KANSL1: variants seen among roughly 807,000 people sequenced by gnomAD.
KANSL1 encodes the protein MLL1/MLL complex subunit KANSL1.
KANSL1 carries 22 observed loss-of-function variants against 103.6 expected under a neutral mutation model. That is an observed-to-expected ratio of 0.21 (90% CI 0.15 to 0.30). KANSL1 has a LOEUF of 0.30. Among genes scored for constraint, KANSL1 ranks in the 10% least tolerant of loss-of-function variants. The pLI is 1.00. For synonymous variants in KANSL1, 600 were observed against 527.6 expected (o/e 1.14, Z -1.88); for missense variants, 1,337 against 1,399.8 (o/e 0.96, Z 0.72).
intron 3 of KANSL1, among the ~76,000 whole-genome samples, chr17:46,084,553 G>A (rs1257912694): frequency 6.6e-6 from 1 of 151,622 alleles, no homozygotes; most frequent in African/African-American, 2.4e-5. Flanking sequence ...GTGGTGGTGA[G>A]CCCCTGTAAT....
intron 1 of KANSL1, among the ~76,000 whole-genome samples, chr17:46,214,544 T>C (rs2048280101): frequency 6.6e-6 from 1 of 152,134 alleles, no homozygotes; most frequent in African/African-American, 2.4e-5. Context: ...ATCCCAGCTA[T>C]TTGGGAGGCT....
At position 46,192,807 on chromosome 17, in the gene KANSL1, C is replaced by G. The variant is rs1024625288; in HGVS notation, c.-90+16G>C. The G allele has an allele frequency of 6.3e-6, 1 of 157,676 alleles. No homozygotes were observed. The highest frequency in any genetic ancestry group is 2.0e-4 in the South Asian group (1 of 4,962). 9.8% of individuals were successfully genotyped at this position (157,676 alleles called of 1,614,324 possible). ...GGCAGCAGGAGGAGGAGGAGAGGAG[C>G]AGCAGCAGCACCTACCACGTGATGG... is the stretch of plus-strand genomic sequence containing the variant. On this transcript the variant is annotated intron_variant, in intron 1 of 14. Transcript: ENST00000432791.
intron 2 of KANSL1, among the ~76,000 whole-genome samples, chr17:46,106,884 G>A (rs1438880245): frequency 3.9e-5 from 6 of 152,224 alleles, no homozygotes; most frequent in Non-Finnish European, 7.3e-5. Context: ...AGGCAAGGTG[G>A]TGTAGACTCT....
At chr17:46,190,304 A>T (rs947113268) in intron 1 of KANSL1, among the ~76,000 whole-genome samples, 1 of 152,248 alleles carries the variant, frequency 6.6e-6, no homozygotes, top group African/African-American at 2.4e-5. Flanking sequence ...AATTTTCCTC[A>T]ACAGGAAACA....
chr17:46,193,401 C>G lies in KANSL1; in HGVS notation c.-668G>C, dbSNP rs2047460976. 6.4e-6 allele frequency: 1 copy of G among 155,768 alleles called. No homozygotes were observed. The allele number at this position is 155,768 out of a possible 1,614,324, so 9.6% of individuals were successfully genotyped here. On this transcript the variant is annotated 5_prime_UTR_variant, in exon 1 of 15. Coordinates refer to ENST00000432791, the MANE Select transcript of KANSL1 (RefSeq NM_015443.4). ...TGGCGGCCGAGCTCCTTTTCCCTCC[C>G]CCCCTTTAATCTGAAGCGGAGGGAG...
chr17:46,135,695 CTTTTTTTTTT>C (rs35094789), intron 2 of KANSL1, among the ~76,000 whole-genome samples: 5 of 84,430 alleles, frequency 5.9e-5, no homozygotes, highest in Non-Finnish European at 6.3e-5. Flanking sequence ...CCATGCCTGG[CTTTTTTTTTT>C]TTTTTTTTTT....
chr17:46,154,377 T>C (rs2045301123), intron 2 of KANSL1, among the ~76,000 whole-genome samples: 1 of 152,234 alleles, frequency 6.6e-6, no homozygotes, highest in Non-Finnish European at 1.5e-5. Flanking sequence ...CCTCCCAGGC[T>C]CAAGTGATCC....
chr17:46,045,602 A>AG (rs1161659543), intron 7 of KANSL1: 1 of 152,146 alleles, frequency 6.6e-6, no homozygotes, highest in African/African-American at 2.4e-5. Flanking sequence ...AGACCAGAAA[A>AG]GGGGGAGTGT....
chr17:46,092,861 T>A (rs1431946159), intron 3 of KANSL1: 4 of 152,156 alleles, frequency 2.6e-5, no homozygotes, highest in Non-Finnish European at 4.4e-5. Flanking sequence ...TTACAATTTC[T>A]GTTATGCCCT....
intron 1 of KANSL1, among the ~76,000 whole-genome samples, chr17:46,177,468 G>T (rs2046577664): frequency 6.6e-6 from 1 of 152,082 alleles, no homozygotes; most frequent in Non-Finnish European, 1.5e-5. Context: ...CAAAAACTCG[G>T]TTAAATTATT....
At chr17:46,161,443 A>G (rs1049272705) in intron 2 of KANSL1, among the ~76,000 whole-genome samples, 2 of 152,060 alleles carry the variant, frequency 1.3e-5, no homozygotes, top group South Asian at 2.1e-4. Flanking sequence ...CTCAAAAAAA[A>G]AAAAACCTTG....
chr17:46,189,987 T>C (rs1164380269), intron 1 of KANSL1, among the ~76,000 whole-genome samples: 1 of 150,866 alleles, frequency 6.6e-6, no homozygotes, highest in Non-Finnish European at 1.5e-5. Flanking sequence ...AATCAGAACC[T>C]CTCAATACTA....
intron 4 of KANSL1, among the ~76,000 whole-genome samples, chr17:46,074,589 A>G (rs1439653445): frequency 1.3e-5 from 2 of 149,754 alleles, no homozygotes; most frequent in East Asian, 3.9e-4. Context: ...CAAAATGGCA[A>G]AACCTTGTCA....
At chr17:46,047,272 A>T (rs1237827667) in intron 7 of KANSL1, among the ~76,000 whole-genome samples, 1 of 152,238 alleles carries the variant, frequency 6.6e-6, no homozygotes, top group Non-Finnish European at 1.5e-5. Flanking sequence ...TAGTTATCTA[A>T]TGTTTGATCA....
At chr17:46,170,695 T>C in intron 2 of KANSL1, 160 bp downstream of exon 2, 1 of 759,464 alleles carries the variant, frequency 1.3e-6, no homozygotes, top group Non-Finnish European at 2.1e-6. Context: ...CCTTCTTCAC[T>C]AGCATGTATA....
At chr17:46,060,027 A>C (rs2078103113) in intron 6 of KANSL1, among the ~76,000 whole-genome samples, 1 of 152,208 alleles carries the variant, frequency 6.6e-6, no homozygotes, top group African/African-American at 2.4e-5. Context: ...TAATGAGATA[A>C]AATACTTGAT....
intron 4 of KANSL1, among the ~76,000 whole-genome samples, chr17:46,069,400 A>T (rs1266412921): frequency 6.6e-6 from 1 of 152,162 alleles, no homozygotes; most frequent in Non-Finnish European, 1.5e-5. Flanking sequence ...ACCCCCAAGG[A>T]TAAAACACCA....
Position 46,113,841 on chromosome 17 carries a change from G to C in KANSL1, c.1290-19140C>G, listed in dbSNP as rs80002952. On this transcript the variant is annotated intron_variant, in intron 2 of 14. Coordinates refer to ENST00000432791, the MANE Select transcript of KANSL1 (RefSeq NM_015443.4). The stretch of plus-strand genomic sequence containing the variant: ...AGTCAATAACATTCACATAGACTTT[G>C]TAAGATCTTGATTAAGCCATGAGGC... Among the ~76,000 whole-genome samples, 18 of 152,260 alleles carry C rather than the reference G, an allele frequency of 1.2e-4. No homozygotes were observed. The East Asian group carries it at 3.1e-3, about 26-fold the overall frequency.
At chr17:46,096,276 G>C (rs1183537297) in intron 2 of KANSL1, among the ~76,000 whole-genome samples, 1 of 144,500 alleles carries the variant, frequency 6.9e-6, no homozygotes, top group South Asian at 2.1e-4. Context: ...CAAGCAGCTA[G>C]GATCAGGAGC....
Sources: gnomAD v4.1 joint callset for allele counts (sites outside exome capture counted in the v4.1 genomes callset) on GRCh38, gnomAD v4.1.1 for gene constraint, MANE v1.5 for transcripts, NCBI Gene and HGNC (gene_info 2026-07-23, HGNC 2026-07-21) for gene names.